Variants in PHF24 observed in about 807,000 individuals in gnomAD.
The protein encoded by PHF24 is PHD finger protein 24.
In PHF24, 25 loss-of-function variants were observed where a neutral mutation model predicts 42.6. That is an observed-to-expected ratio of 0.59 (90% CI 0.43 to 0.82). The LOEUF is 0.82. Ranked by LOEUF, PHF24 falls within the 40% of genes least tolerant of loss-of-function variation. PHF24 has a pLI of 0.00. For synonymous variants in PHF24, 185 were observed against 204.8 expected, an observed-to-expected ratio of 0.90 and a Z score of 0.83; for missense variants, 470 against 538.1, an observed-to-expected ratio of 0.87 and a Z score of 1.25.
the PHF24 span, among the ~76,000 whole-genome samples, chr9:34,760,369 T>C: frequency 2.0e-5 from 3 of 152,196 alleles, no homozygotes; most frequent in African/African-American, 7.2e-5. Context: ...ATAAGCCTTA[T>C]GAAAGAGCTT....
the PHF24 span, among the ~76,000 whole-genome samples, chr9:34,881,732 CA>C: frequency 7.3e-5 from 11 of 151,692 alleles, no homozygotes; most frequent in East Asian, 1.7e-3. Context: ...GCCTACCAAC[CA>C]AAAAAAAGTC....
At chr9:34,782,504 C>T in the PHF24 span, among the ~76,000 whole-genome samples, 2 of 152,104 alleles carry the variant, frequency 1.3e-5, no homozygotes, top group African/African-American at 2.4e-5. Context: ...TATTTGAATG[C>T]CATATGGCTA....
chr9:34,685,974 C>T, the PHF24 span, among the ~76,000 whole-genome samples: 6 of 152,190 alleles, frequency 3.9e-5, no homozygotes, highest in Non-Finnish European at 8.8e-5. Context: ...AGTTGTCTAT[C>T]CTGGGCAGGC....
the PHF24 span, among the ~76,000 whole-genome samples, chr9:34,681,766 A>G: frequency 4.6e-5 from 7 of 152,422 alleles, no homozygotes; most frequent in African/African-American, 1.7e-4. Flanking sequence ...AGCCAAGATC[A>G]TGCCACTGTA....
At chr9:34,685,568 C>A in the PHF24 span, among the ~76,000 whole-genome samples, 1 of 152,238 alleles carries the variant, frequency 6.6e-6, no homozygotes, top group Non-Finnish European at 1.5e-5. Flanking sequence ...TCCCAGCCCC[C>A]AGCCCTCAGT....
the PHF24 span, among the ~76,000 whole-genome samples, chr9:34,795,863 T>A: frequency 6.6e-6 from 1 of 151,974 alleles, no homozygotes; most frequent in African/African-American, 2.4e-5. Flanking sequence ...CCAGGCATGG[T>A]GGTACATGCC....
the PHF24 span, among the ~76,000 whole-genome samples, chr9:34,788,763 C>G: frequency 6.6e-6 from 1 of 152,082 alleles, no homozygotes; most frequent in African/African-American, 2.4e-5. Context: ...AAATCTCACA[C>G]GCCAGAGACC....
the PHF24 span, among the ~76,000 whole-genome samples, chr9:34,757,979 TGGGA>T: frequency 6.6e-6 from 1 of 152,154 alleles, no homozygotes; most frequent in African/African-American, 2.4e-5. Flanking sequence ...TTCTCAGGAC[TGGGA>T]CATAGCCATA....
the PHF24 span, among the ~76,000 whole-genome samples, chr9:34,826,548 G>A: frequency 1.3e-5 from 2 of 152,350 alleles, no homozygotes; most frequent in South Asian, 4.1e-4. Context: ...CTGGGCTGCA[G>A]TGAGCAGGTA....
the PHF24 span, among the ~76,000 whole-genome samples, chr9:34,734,339 G>T: frequency 1.3e-5 from 2 of 152,218 alleles, no homozygotes; most frequent in African/African-American, 2.4e-5. Flanking sequence ...CAAGTACAGG[G>T]AGAATTCACA....
chr9:34,713,979 G>T, the PHF24 span, among the ~76,000 whole-genome samples: 1 of 152,166 alleles, frequency 6.6e-6, no homozygotes, highest in Non-Finnish European at 1.5e-5. Flanking sequence ...GGGGAAGGAT[G>T]GGATGCAGAA....
chr9:34,922,972 C>T, the PHF24 span: 1 of 1,145,574 alleles, frequency 8.7e-7, no homozygotes, highest in South Asian at 1.7e-5. Context: ...GGCCTCGCCC[C>T]AGTCTACCTG....
At chr9:34,898,001 AATTC>A in the PHF24 span, among the ~76,000 whole-genome samples, 1 of 152,192 alleles carries the variant, frequency 6.6e-6, no homozygotes, top group Non-Finnish European at 1.5e-5. Context: ...AAATGCTGTT[AATTC>A]ATTCCTTTTT....
chr9:34,813,924 T>G, the PHF24 span, among the ~76,000 whole-genome samples: 29 of 152,192 alleles, frequency 1.9e-4, no homozygotes, highest in African/African-American at 7.0e-4. Flanking sequence ...GGTTCACCAT[T>G]TACTCTCATT....
the PHF24 span, among the ~76,000 whole-genome samples, chr9:34,849,460 C>A: frequency 6.6e-6 from 1 of 151,844 alleles, no homozygotes; most frequent in South Asian, 2.1e-4. Flanking sequence ...CTTGGTAGAT[C>A]TTCCTCCATC....
chr9:34,964,601 C>T (rs894185914), intron 1 of PHF24, among the ~76,000 whole-genome samples: 3 of 152,190 alleles, frequency 2.0e-5, no homozygotes. Context: ...CCCTCCTCCT[C>T]TTACTCCCAC....
At chr9:34,766,873 G>C in the PHF24 span, among the ~76,000 whole-genome samples, 1 of 152,110 alleles carries the variant, frequency 6.6e-6, no homozygotes. Flanking sequence ...GTACAGATGG[G>C]TTTTTGGTGT....
the PHF24 span, among the ~76,000 whole-genome samples, chr9:34,919,988 A>G: frequency 3.9e-5 from 6 of 152,138 alleles, no homozygotes; most frequent in African/African-American, 1.4e-4. Context: ...AATCTTGGCT[A>G]TTGTGAATAG....
At chr9:34,940,090 G>T in the PHF24 span, among the ~76,000 whole-genome samples, 1 of 151,870 alleles carries the variant, frequency 6.6e-6, no homozygotes, top group East Asian at 1.9e-4. Context: ...AGAGGGAGGT[G>T]GGGGGAAAGT....
Sources: allele counts gnomAD v4.1 joint callset (sites outside exome capture counted in the v4.1 genomes callset), GRCh38; gene constraint gnomAD v4.1.1; transcripts MANE v1.5; gene names NCBI Gene and HGNC (gene_info 2026-07-23, HGNC 2026-07-21).